Variants in PCDH15 observed in about 807,000 individuals in gnomAD.
The protein encoded by PCDH15 is protocadherin related 15.
PCDH15 carries 129 observed loss-of-function variants against 178.5 expected under a neutral mutation model. The ratio of observed to expected loss-of-function variants is 0.72; its 90% CI spans 0.63 to 0.84. PCDH15 has a LOEUF of 0.84. Ranked by LOEUF, PCDH15 falls within the 40% of genes least tolerant of loss-of-function variation. The probability of loss-of-function intolerance (pLI) is 0.00; values close to 1 mark genes in which losing one functional copy is unlikely to be tolerated. For synonymous variants in PCDH15, 800 were observed against 732.0 expected (o/e 1.09, Z -1.50); for missense variants, 2,230 against 2,099.9 (o/e 1.06, Z -1.21).
chr10:54,519,510 G>A (rs547648266), intron 3 of PCDH15, among the ~76,000 whole-genome samples: 170 of 152,262 alleles, frequency 1.1e-3, no homozygotes, highest in African/African-American at 3.7e-3. Flanking sequence ...TACAAGGGAC[G>A]TGAAGGACCT....
chr10:54,785,993 T>C (rs1448137971), intron 1 of PCDH15, among the ~76,000 whole-genome samples: 1 of 152,002 alleles, frequency 6.6e-6, no homozygotes, highest in Non-Finnish European at 1.5e-5. Context: ...TTTTGGATTC[T>C]ACATTTTTTC....
At position 55,111,437 on chromosome 10, in the gene PCDH15, G is replaced by T. The variant is rs141418205; in HGVS notation, c.-80+55139C>A. Among the ~76,000 whole-genome samples, 590 of 152,158 alleles carry T rather than the reference G, an allele frequency of 3.9e-3. 4 individuals are homozygous for T. The highest frequency in any genetic ancestry group is 0.013 in the African/African-American group (540 of 41,532). Reference sequence around the variant, plus strand: ...AAGCTTATTTTAAGAAGAAATTCAGGCTAATAATTAATTGGTACTTCAATT... The same window carrying T: ...AAGCTTATTTTAAGAAGAAATTCAGTCTAATAATTAATTGGTACTTCAATT... On this transcript the variant is annotated intron_variant, in intron 2 of 5. Coordinates refer to the PCDH15 transcript ENST00000458638.
intron 1 of PCDH15, among the ~76,000 whole-genome samples, chr10:54,733,461 G>T (rs1691321514): frequency 6.6e-6 from 1 of 151,360 alleles, no homozygotes; most frequent in Non-Finnish European, 1.5e-5. Flanking sequence ...CAAAAGAAAT[G>T]AAAGAAGGCC....
At chr10:54,988,346 A>C (rs1050518550) in intron 2 of PCDH15, among the ~76,000 whole-genome samples, 3 of 152,122 alleles carry the variant, frequency 2.0e-5, no homozygotes, top group African/African-American at 7.2e-5. Context: ...TAGATACCCC[A>C]AAATATGGAA....
intron 1 of PCDH15, among the ~76,000 whole-genome samples, chr10:54,742,477 G>T (rs940168348): frequency 1.3e-5 from 2 of 151,974 alleles, no homozygotes; most frequent in African/African-American, 4.8e-5. Flanking sequence ...CAAGACTGAA[G>T]AAGGTAGCCT....
At chr10:53,838,151 A>G (rs2077420675) in intron 29 of PCDH15, among the ~76,000 whole-genome samples, 1 of 151,494 alleles carries the variant, frequency 6.6e-6, no homozygotes, top group Non-Finnish European at 1.5e-5. Flanking sequence ...AATTTTTTGT[A>G]TTTTTAGTAG....
intron 2 of PCDH15, among the ~76,000 whole-genome samples, chr10:55,007,796 C>T (rs939785411): frequency 1.3e-5 from 2 of 151,962 alleles, no homozygotes; most frequent in Admixed American, 6.6e-5. Flanking sequence ...AGACAGTCAA[C>T]GCTTCTTTCT....
chr10:55,602,758 C>G (rs1252373533), intron 2 of PCDH15, among the ~76,000 whole-genome samples: 2 of 152,118 alleles, frequency 1.3e-5, no homozygotes, highest in Non-Finnish European at 2.9e-5. Context: ...CATCAAAGAC[C>G]AAAAGTGGAT....
At chr10:54,921,900 C>T (rs942640828) in intron 2 of PCDH15, among the ~76,000 whole-genome samples, 2 of 152,102 alleles carry the variant, frequency 1.3e-5, no homozygotes, top group Non-Finnish European at 1.5e-5. Flanking sequence ...GAGGCAAGCA[C>T]CTCTCCTGCT....
chr10:54,469,822 G>A (rs1391987233), intron 3 of PCDH15, among the ~76,000 whole-genome samples: 1 of 152,146 alleles, frequency 6.6e-6, no homozygotes, highest in Non-Finnish European at 1.5e-5. Flanking sequence ...CAAGCCATCT[G>A]TACTGGTGTT....
chr10:54,544,276 T>C (rs2085594329), intron 2 of PCDH15, among the ~76,000 whole-genome samples: 1 of 152,176 alleles, frequency 6.6e-6, no homozygotes, highest in African/African-American at 2.4e-5. Flanking sequence ...ATATTGGCCA[T>C]AAGGATAAAA....
intron 37 of PCDH15, chr10:53,809,657 G>T: frequency 2.0e-6 from 2 of 999,492 alleles, no homozygotes; most frequent in Non-Finnish European, 3.0e-6. Context: ...CTTCATGCAT[G>T]TTATATAACT....
At chr10:53,957,638 A>G (rs2087760119) in intron 23 of PCDH15, among the ~76,000 whole-genome samples, 1 of 152,064 alleles carries the variant, frequency 6.6e-6, no homozygotes, top group Non-Finnish European at 1.5e-5. Flanking sequence ...TGATACTCAG[A>G]ATGCCATACA....
rs1405021557 is a variant in PCDH15 at position 54,716,766 on chromosome 10, G to C, written c.-28-52476C>G. 8.6e-5 allele frequency among the ~76,000 whole-genome samples: 13 copies of C among 151,638 alleles called. No homozygotes were observed. In the South Asian group the frequency reaches 2.7e-3, roughly 32 times the overall value. ...CAGAACTGGAAAAAACTACTTTAAA[G>C]TTCATATGGAACCAAAAAAGAGCCC... On this transcript the variant is annotated intron_variant, in intron 1 of 37. Transcript: ENST00000644397.
At chr10:53,945,365 G>A (rs2086451354) in intron 23 of PCDH15, among the ~76,000 whole-genome samples, 1 of 152,106 alleles carries the variant, frequency 6.6e-6, no homozygotes, top group Admixed American at 6.6e-5. Flanking sequence ...CGTATACACT[G>A]TAGAATGGCT....
intron 3 of PCDH15, among the ~76,000 whole-genome samples, chr10:54,851,578 T>C (rs1407090800): frequency 1.3e-5 from 2 of 152,116 alleles, no homozygotes; most frequent in African/African-American, 4.8e-5. Flanking sequence ...CTGAGTATTT[T>C]ATGTGTGTGT....
chr10:55,530,404 C>T (rs1000717642), intron 2 of PCDH15, among the ~76,000 whole-genome samples: 1 of 151,940 alleles, frequency 6.6e-6, no homozygotes, highest in Non-Finnish European at 1.5e-5. Flanking sequence ...GAATGTGGCA[C>T]CATTACTATG....
At chr10:54,620,736 C>A (rs1193556525) in intron 2 of PCDH15, among the ~76,000 whole-genome samples, 1 of 151,902 alleles carries the variant, frequency 6.6e-6, no homozygotes, top group Non-Finnish European at 1.5e-5. Context: ...GTTTTCTGTA[C>A]ATCCTGTAGG....
At chr10:55,444,612 A>G (rs1055089284) in intron 2 of PCDH15, among the ~76,000 whole-genome samples, 1 of 152,180 alleles carries the variant, frequency 6.6e-6, no homozygotes, top group African/African-American at 2.4e-5. Context: ...GTTAGGTAAT[A>G]AAGTAAAACA....
Sources: gnomAD v4.1 joint callset for allele counts (sites outside exome capture counted in the v4.1 genomes callset) on GRCh38, gnomAD v4.1.1 for gene constraint, MANE v1.5 for transcripts, NCBI Gene and HGNC (gene_info 2026-07-23, HGNC 2026-07-21) for gene names.